Variants in SHB observed in about 807,000 individuals in gnomAD.
The protein encoded by SHB is SH2 domain-containing adapter protein B.
A neutral mutation model predicts 52.3 loss-of-function variants in SHB; 20 were observed. That is an observed-to-expected ratio of 0.38 (90% confidence interval 0.27 to 0.56). The LOEUF is 0.56. SHB is among the 20% of genes least tolerant of loss of function. SHB has a pLI of 0.71. For missense variants in SHB, 825 were observed against 723.3 expected (o/e 1.14, Z -1.61); for synonymous variants, 397 against 316.5 (o/e 1.25, Z -2.70).
At chr9:37,936,395 T>C (rs1358855631) in intron 5 of SHB, among the ~76,000 whole-genome samples, 5 of 152,208 alleles carry the variant, frequency 3.3e-5, no homozygotes, top group Non-Finnish European at 1.5e-5. Context: ...CATGCGTACA[T>C]GCATGTGATA....
chr9:37,982,975 C>CCCA (rs765767832), intron 2 of SHB, among the ~76,000 whole-genome samples: 2 of 150,200 alleles, frequency 1.3e-5, no homozygotes, highest in East Asian at 2.0e-4. Context: ...TCTCTGGTGC[C>CCCA]CCCCCCTCCA....
intron 2 of SHB, among the ~76,000 whole-genome samples, chr9:37,995,315 G>A (rs1202697213): frequency 6.6e-6 from 1 of 152,148 alleles, no homozygotes; most frequent in Non-Finnish European, 1.5e-5. Flanking sequence ...CACTTTCCTG[G>A]GGAAGTCCCA....
At chr9:38,066,361 T>C (rs1340749180) in intron 1 of SHB, among the ~76,000 whole-genome samples, 2 of 152,192 alleles carry the variant, frequency 1.3e-5, no homozygotes, top group Non-Finnish European at 2.9e-5. Context: ...GTGCCTTTTA[T>C]ATACAAGACC....
chr9:37,946,670 T>C (rs1832494774), intron 5 of SHB, among the ~76,000 whole-genome samples: 2 of 152,134 alleles, frequency 1.3e-5, no homozygotes, highest in Non-Finnish European at 2.9e-5. Context: ...GGGGCTCTGG[T>C]CCTCTAGGAT....
At chr9:38,050,952 T>C (rs762593790) in intron 1 of SHB, among the ~76,000 whole-genome samples, 8 of 152,234 alleles carry the variant, frequency 5.3e-5, no homozygotes, top group Non-Finnish European at 1.0e-4. Context: ...TACAATCTTT[T>C]ACTACAAACT....
At chr9:37,974,981 C>A in intron 2 of SHB, 144 bp from the exon 3 acceptor site, 1 of 724,018 alleles carries the variant, frequency 1.4e-6, no homozygotes, top group Non-Finnish European at 2.4e-6. Context: ...GGGTTTTACC[C>A]ACCCCACCAA....
At chr9:38,041,572 T>C (rs1441935838) in intron 1 of SHB, among the ~76,000 whole-genome samples, 1 of 149,294 alleles carries the variant, frequency 6.7e-6, no homozygotes, top group Non-Finnish European at 1.5e-5. Flanking sequence ...AAAACTTCGG[T>C]GAGTTCGGGG....
At chr9:37,984,613 C>G (rs1481998771) in intron 2 of SHB, among the ~76,000 whole-genome samples, 1 of 151,954 alleles carries the variant, frequency 6.6e-6, no homozygotes, top group African/African-American at 2.4e-5. Flanking sequence ...TGTTTTTGGT[C>G]TTCTGGGGCC....
intron 1 of SHB, among the ~76,000 whole-genome samples, chr9:38,027,485 G>C (rs912798415): frequency 1.3e-5 from 2 of 152,054 alleles, no homozygotes; most frequent in Non-Finnish European, 2.9e-5. Flanking sequence ...TTAGTCTGGG[G>C]AACCCAGACA....
intron 1 of SHB, among the ~76,000 whole-genome samples, chr9:38,026,003 C>T (rs1290988290): frequency 6.6e-6 from 1 of 152,224 alleles, no homozygotes. Flanking sequence ...CAGCTTAATT[C>T]GAGGCATTTT....
At chr9:38,045,395 G>C (rs1239632235) in intron 1 of SHB, among the ~76,000 whole-genome samples, 1 of 152,048 alleles carries the variant, frequency 6.6e-6, no homozygotes, top group Non-Finnish European at 1.5e-5. Flanking sequence ...GAGGCCAGGA[G>C]TTCGAGACCA....
intron 2 of SHB, among the ~76,000 whole-genome samples, chr9:38,003,558 C>T (rs1821044524): frequency 6.6e-6 from 1 of 152,186 alleles, no homozygotes; most frequent in Admixed American, 6.5e-5. Context: ...GCTCCACCTC[C>T]CAGCCCCTGT....
intron 1 of SHB, among the ~76,000 whole-genome samples, chr9:38,028,217 A>C (rs1821368967): frequency 6.6e-6 from 1 of 152,090 alleles, no homozygotes; most frequent in South Asian, 2.1e-4. Flanking sequence ...GACAAAACCA[A>C]ATGGGGACCC....
intron 2 of SHB, among the ~76,000 whole-genome samples, chr9:37,996,103 A>G (rs1820943596): frequency 1.3e-5 from 2 of 152,220 alleles, no homozygotes; most frequent in African/African-American, 2.4e-5. Flanking sequence ...GGTTTTGAAT[A>G]ATGTCCAAGC....
rs535010076 is a variant in SHB, at chr9:38,067,404, G to GGGGCA, written c.717+520_717+524dup. On this transcript the variant is annotated intron_variant, in intron 1 of 5. Transcript: ENST00000377707. ...GATTTGGAAACCTAGAGCTGGGGGT[G>GGGGCA]GGGCAGGGCAGGGCCGGGCAGGGCA... Among the ~76,000 whole-genome samples the GGGGCA allele has an allele frequency of 1.4e-3, 217 of 152,282 alleles. 2 individuals carry two copies. Among genetic ancestry groups the GGGGCA allele is most frequent in the Non-Finnish European group, 2.7e-3 (182 of 68,028 alleles).
chr9:37,980,786 G>T (rs974469658), intron 2 of SHB, among the ~76,000 whole-genome samples: 5 of 152,348 alleles, frequency 3.3e-5, no homozygotes, highest in East Asian at 3.9e-4. Flanking sequence ...AATGGATGTT[G>T]TGTTAGCAGG....
intron 5 of SHB, among the ~76,000 whole-genome samples, chr9:37,948,321 T>A (rs1832517824): frequency 1.3e-5 from 2 of 152,166 alleles, no homozygotes; most frequent in Non-Finnish European, 2.9e-5. Context: ...CGTCGTGGGC[T>A]TTGAGAGCAG....
At chr9:38,015,807 C>T (rs1006354125) in intron 2 of SHB, among the ~76,000 whole-genome samples, 3 of 152,142 alleles carry the variant, frequency 2.0e-5, no homozygotes, top group Non-Finnish European at 4.4e-5. Context: ...CTCATGGTGC[C>T]CGGCCAGTTT....
At chr9:38,045,708 G>A (rs1204576330) in intron 1 of SHB, among the ~76,000 whole-genome samples, 1 of 152,152 alleles carries the variant, frequency 6.6e-6, no homozygotes, top group Non-Finnish European at 1.5e-5. Context: ...ATCCTACACA[G>A]CACAACACAG....
Sources: allele counts gnomAD v4.1 joint callset (sites outside exome capture counted in the v4.1 genomes callset), GRCh38; gene constraint gnomAD v4.1.1; transcripts MANE v1.5; gene names NCBI Gene and HGNC (gene_info 2026-07-23, HGNC 2026-07-21).